The following DOCK1 variants were observed in gnomAD, a reference collection of about 807,000 sequenced individuals.
The protein encoded by DOCK1 is dedicator of cytokinesis 1.
A neutral mutation model predicts 262.7 loss-of-function variants in DOCK1; 138 were observed. The ratio of observed to expected loss-of-function variants is 0.53; its 90% CI spans 0.46 to 0.61. The LOEUF is 0.61. Among genes scored for constraint, DOCK1 ranks in the 20% least tolerant of loss-of-function variants. DOCK1 has a pLI of 0.00. For synonymous variants in DOCK1, 866 were observed against 867.4 expected (o/e 1.00, Z 0.03); for missense variants, 1,908 against 2,370.7 (o/e 0.80, Z 4.05).
chr10:127,281,930 G>A (rs1288686628), intron 29 of DOCK1, among the ~76,000 whole-genome samples: 1 of 152,148 alleles, frequency 6.6e-6, no homozygotes, highest in Non-Finnish European at 1.5e-5. Flanking sequence ...GGATTAGGCT[G>A]GGGTGTCCAA....
intron 29 of DOCK1, among the ~76,000 whole-genome samples, chr10:127,328,325 T>C (rs2062829885): frequency 6.6e-6 from 1 of 152,242 alleles, no homozygotes; most frequent in Admixed American, 6.5e-5. Context: ...TCCTATTTTC[T>C]CTTAAGCATT....
chr10:127,101,205 T>C lies in DOCK1; in HGVS notation c.2446-5026T>C, dbSNP rs140450551. Among the ~76,000 whole-genome samples, 604 of 151,712 alleles carry C rather than the reference T, an allele frequency of 4.0e-3. 4 individuals carry two copies. The highest frequency in any genetic ancestry group is 0.013 in the African/African-American group (547 of 41,332). On this transcript the variant is annotated intron_variant, in intron 23 of 51. Transcript: ENST00000623213. ...TTTCTTGTGGTGGCTTTTGTTTTTCTCTGAAGGAGGTGGTGACATGAGATG... is the reference window on the plus strand; with the variant it reads ...TTTCTTGTGGTGGCTTTTGTTTTTCCCTGAAGGAGGTGGTGACATGAGATG...
At chr10:127,086,761 C>CA (rs552026336) in intron 23 of DOCK1, among the ~76,000 whole-genome samples, 191 of 152,118 alleles carry the variant, frequency 1.3e-3, no homozygotes, top group African/African-American at 4.4e-3. Context: ...TGGAGACACT[C>CA]ACGTCAAAGG....
At chr10:127,230,849 G>A (rs1359821795) in intron 27 of DOCK1, among the ~76,000 whole-genome samples, 2 of 151,934 alleles carry the variant, frequency 1.3e-5, no homozygotes, top group African/African-American at 2.4e-5. Context: ...AGTGAAAAAT[G>A]TCATTGGAAT....
chr10:127,093,561 C>T (rs538540100), intron 23 of DOCK1, among the ~76,000 whole-genome samples: 1 of 151,956 alleles, frequency 6.6e-6, no homozygotes, highest in South Asian at 2.1e-4. Flanking sequence ...GCTATGTTGC[C>T]TTGGCTGGTC....
At chr10:127,143,295 T>C (rs886996385) in intron 27 of DOCK1, among the ~76,000 whole-genome samples, 5 of 152,196 alleles carry the variant, frequency 3.3e-5, no homozygotes, top group Non-Finnish European at 5.9e-5. Context: ...TTGGGGTCTC[T>C]AGCCTCGACA....
chr10:127,167,417 G>A (rs917845263), intron 27 of DOCK1, among the ~76,000 whole-genome samples: 3 of 152,170 alleles, frequency 2.0e-5, no homozygotes, highest in African/African-American at 7.2e-5. Flanking sequence ...GGAGAGATAA[G>A]GAATTGATGA....
At chr10:126,997,742 C>T (rs1201846266) in intron 7 of DOCK1, 2 of 257,028 alleles carry the variant, frequency 7.8e-6, no homozygotes, top group African/African-American at 2.2e-5. Context: ...ATGTTGAAGA[C>T]ATAATGATAC....
chr10:127,358,520 C>T (rs114006575), intron 32 of DOCK1, among the ~76,000 whole-genome samples: 1 of 152,314 alleles, frequency 6.6e-6, no homozygotes, highest in African/African-American at 2.4e-5. Context: ...CCTCAATTTA[C>T]ATTTTGTTTA....
At chr10:127,210,621 G>T (rs1305681950) in intron 27 of DOCK1, among the ~76,000 whole-genome samples, 1 of 152,176 alleles carries the variant, frequency 6.6e-6, no homozygotes, top group Admixed American at 6.5e-5. Flanking sequence ...CTGAGCCACT[G>T]CCTGTTCCCT....
rs1366323152 is a variant in DOCK1, at chr10:127,418,291, G to A, written c.4516-74G>A. 12 of 1,451,676 alleles carry A rather than the reference G, an allele frequency of 8.3e-6. No individual in the cohort carries two copies. The East Asian group carries it at 1.5e-4, about 18-fold the overall frequency. 89.9% of individuals were successfully genotyped at this position (1,451,676 alleles called of 1,614,324 possible). A position where few individuals can be genotyped will look rare whatever the true frequency, so the allele number is the denominator to read the frequency against. ...GAGCAGGAAGCCTGCCCCAGAGCAC[G>A]TGGCTCCTCTGGTGAGACCCTGGGA... On this transcript the variant is annotated intron_variant, in intron 44 of 51. Transcript: ENST00000623213.
intron 27 of DOCK1, among the ~76,000 whole-genome samples, chr10:127,210,054 T>C (rs1279378578): frequency 2.6e-5 from 4 of 152,218 alleles, no homozygotes; most frequent in Admixed American, 2.6e-4. Context: ...TCTAGTCACC[T>C]GGATACATTA....
chr10:127,252,979 CACTT>C (rs924668484), intron 28 of DOCK1, among the ~76,000 whole-genome samples: 4 of 152,106 alleles, frequency 2.6e-5, no homozygotes, highest in African/African-American at 9.7e-5. Flanking sequence ...TACAAAATCA[CACTT>C]ACTATCAACA....
chr10:127,081,847 A>G (rs2046918394), intron 23 of DOCK1, among the ~76,000 whole-genome samples: 1 of 152,202 alleles, frequency 6.6e-6, no homozygotes, highest in Non-Finnish European at 1.5e-5. Flanking sequence ...CTGATTTTGG[A>G]TCATTTTGAA....
At chr10:127,298,569 C>G (rs2135414541) in intron 29 of DOCK1, among the ~76,000 whole-genome samples, 1 of 152,260 alleles carries the variant, frequency 6.6e-6, no homozygotes. Flanking sequence ...TCTCTCTTTC[C>G]CAGCTGGGCC....
intron 33 of DOCK1, 70 bp from the exon 34 acceptor site, chr10:127,373,711 A>G (rs764109836): frequency 2.2e-6 from 3 of 1,382,100 alleles, no homozygotes; most frequent in South Asian, 2.5e-5. Flanking sequence ...TTTATGTTCT[A>G]TTGACACTCA....
intron 6 of DOCK1, among the ~76,000 whole-genome samples, chr10:126,992,458 A>G (rs1447074698): frequency 2.0e-5 from 3 of 152,208 alleles, no homozygotes; most frequent in Admixed American, 6.5e-5. Context: ...AGCGCTCTGC[A>G]TATATCTTCC....
intron 29 of DOCK1, among the ~76,000 whole-genome samples, chr10:127,281,703 G>T (rs1277175957): frequency 6.6e-6 from 1 of 152,186 alleles, no homozygotes; most frequent in African/African-American, 2.4e-5. Flanking sequence ...GACACGCAGG[G>T]TTGATCTGTG....
chr10:127,357,058 C>T (rs1202365815), intron 32 of DOCK1, among the ~76,000 whole-genome samples: 3 of 152,054 alleles, frequency 2.0e-5, no homozygotes, highest in Non-Finnish European at 2.9e-5. Context: ...TCCTTCTCCC[C>T]GTACACAACT....
Sources: gnomAD v4.1 joint callset for allele counts (sites outside exome capture counted in the v4.1 genomes callset) on GRCh38, gnomAD v4.1.1 for gene constraint, MANE v1.5 for transcripts, NCBI Gene and HGNC (gene_info 2026-07-23, HGNC 2026-07-21) for gene names.